The following VAC14 variants were observed in gnomAD, a reference collection of about 807,000 sequenced individuals.
VAC14 encodes protein VAC14 homolog.
A neutral mutation model predicts 85.3 loss-of-function variants in VAC14; 47 were observed. The ratio of observed to expected loss-of-function variants is 0.55; its 90% confidence interval spans 0.44 to 0.70. The LOEUF (loss-of-function observed/expected upper bound fraction) is 0.70, where lower values mean the gene tolerates loss of function less well. Ranked by LOEUF, VAC14 falls within the 30% of genes least tolerant of loss-of-function variation. The pLI, the probability that VAC14 is intolerant of heterozygous loss-of-function variation, is 0.00. For missense variants in VAC14, 861 were observed against 1,004.3 expected, an observed-to-expected ratio of 0.86 and a Z score of 1.93; for synonymous variants, 447 against 430.5, an observed-to-expected ratio of 1.04 and a Z score of -0.47.
chr16:70,794,444 T>A (rs1469979194), intron 1 of VAC14, among the ~76,000 whole-genome samples: 1 of 151,728 alleles, frequency 6.6e-6, no homozygotes, highest in Non-Finnish European at 1.5e-5. Context: ...GGCTTTTTTT[T>A]AAAATAAGAA....
chr16:70,733,975 A>C (rs2054672846), intron 13 of VAC14, among the ~76,000 whole-genome samples: 1 of 152,088 alleles, frequency 6.6e-6, no homozygotes, highest in South Asian at 2.1e-4. Flanking sequence ...GGCGTGTGCC[A>C]CCAGACCTGA....
In VAC14 at chr16:70,784,179, G is replaced by A. The variant is rs1474428643; in HGVS notation, c.528C>T (p.Phe176=). ...AAATCCTCTCTCGCAACAAGGGGAT[G>A]AAGCTCACCAGGTCAAACTTGTTGC... ...TESNKFDLVS[F]IPLLRERIYS... The change falls in exon 5 of 19, where the codon TTC becomes TTT. Residue 176 remains phenylalanine (F), a synonymous_variant. Coordinates refer to ENST00000261776, the MANE Select transcript of VAC14 (RefSeq NM_018052.5). 1.9e-6 allele frequency: 3 copies of A among 1,614,198 alleles called. No individual in the cohort carries two copies. The Admixed American group carries it at 5.0e-5, about 27-fold the overall frequency.
chr16:70,761,027 G>T (rs1176318915), intron 12 of VAC14: 2 of 278,492 alleles, frequency 7.2e-6, no homozygotes, highest in Admixed American at 4.1e-5. Flanking sequence ...GTGCATGGGG[G>T]GGCGGGGGGT....
intron 17 of VAC14, 46 bp from the exon 18 acceptor site, chr16:70,693,017 G>A (rs1173603183): frequency 6.3e-7 from 1 of 1,583,110 alleles, no homozygotes; most frequent in East Asian, 2.3e-5. Flanking sequence ...CACTGCTCTG[G>A]GACACGCCCA....
intron 18 of VAC14, chr16:70,691,721 G>T: frequency 1.0e-6 from 1 of 985,434 alleles, no homozygotes; most frequent in Non-Finnish European, 1.2e-6. Context: ...CTTTCTAGGG[G>T]TTCAGCCTCT....
At chr16:70,750,527 G>C (rs2031296665) in intron 12 of VAC14, among the ~76,000 whole-genome samples, 1 of 152,150 alleles carries the variant, frequency 6.6e-6, no homozygotes, top group Non-Finnish European at 1.5e-5. Flanking sequence ...AAAGGGTCAG[G>C]GTTGGTGGCA....
At chr16:70,743,737 T>G (rs1250469479) in intron 13 of VAC14, among the ~76,000 whole-genome samples, 3 of 152,228 alleles carry the variant, frequency 2.0e-5, no homozygotes, top group African/African-American at 4.8e-5. Context: ...CCTGTGTGGA[T>G]GTCCAGAGGG....
intron 14 of VAC14, chr16:70,714,264 A>G (rs1051691233): frequency 2.0e-5 from 3 of 152,224 alleles, no homozygotes; most frequent in African/African-American, 7.2e-5. Context: ...TCCCCTGAGG[A>G]TCCCCACAGG....
intron 4 of VAC14, 39 bp from the exon 5 acceptor site, chr16:70,784,259 A>T (rs760495674): frequency 6.4e-7 from 1 of 1,566,630 alleles, no homozygotes; most frequent in Non-Finnish European, 8.8e-7. Context: ...AGAGCCCGAG[A>T]CCAGGGCTGC....
At chr16:70,755,175 T>C (rs1359897185) in intron 12 of VAC14, 2 of 318,564 alleles carry the variant, frequency 6.3e-6, no homozygotes, top group Non-Finnish European at 1.3e-5. Flanking sequence ...TCAGCGCTTC[T>C]GGGAGAAGGT....
intron 17 of VAC14, 59 bp downstream of exon 17, chr16:70,695,485 C>A: frequency 6.4e-7 from 1 of 1,567,266 alleles, no homozygotes; most frequent in South Asian, 1.1e-5. Context: ...ACTTCACCCA[C>A]CCCACTCCAG....
At chr16:70,698,565 G>A in intron 15 of VAC14, 72 bp downstream of exon 15, 3 of 1,572,046 alleles carry the variant, frequency 1.9e-6, no homozygotes, top group Non-Finnish European at 2.6e-6. Flanking sequence ...CCAGCCGAGG[G>A]GCGGGCTCAC....
chr16:70,747,656 T>A (rs865895591), intron 12 of VAC14: 3 of 152,150 alleles, frequency 2.0e-5, no homozygotes, highest in Middle Eastern at 6.8e-3. Context: ...GAGATCTGTG[T>A]CTCTTTACAT....
intron 10 of VAC14, chr16:70,771,221 C>G (rs117576593): frequency 1.3e-5 from 2 of 152,204 alleles, no homozygotes; most frequent in Non-Finnish European, 2.9e-5. Context: ...ATGGAGGGAG[C>G]CCCAAGGAAG....
intron 14 of VAC14, among the ~76,000 whole-genome samples, chr16:70,701,455 C>T (rs1378809720): frequency 6.6e-6 from 1 of 152,168 alleles, no homozygotes; most frequent in Non-Finnish European, 1.5e-5. Context: ...TCCTGACCCC[C>T]AGTCCCTCTG....
At chr16:70,723,348 C>T (rs1361531306) in intron 14 of VAC14, among the ~76,000 whole-genome samples, 1 of 152,126 alleles carries the variant, frequency 6.6e-6, no homozygotes, top group Non-Finnish European at 1.5e-5. Flanking sequence ...GAGGCTGAGG[C>T]AGGAGGTCAC....
At chr16:70,775,254 A>G (rs905838696) in intron 9 of VAC14, among the ~76,000 whole-genome samples, 1 of 152,224 alleles carries the variant, frequency 6.6e-6, no homozygotes, top group African/African-American at 2.4e-5. Flanking sequence ...TCCTCATTCT[A>G]AAATTTTCAA....
chr16:70,763,142 T>C, intron 10 of VAC14, 117 bp from the exon 11 acceptor site: 2 of 1,452,452 alleles, frequency 1.4e-6, no homozygotes, highest in Non-Finnish European at 1.9e-6. Flanking sequence ...AACCACCGTC[T>C]AGGGGGATCG....
intron 12 of VAC14, chr16:70,744,887 G>T: frequency 3.2e-6 from 1 of 310,486 alleles, no homozygotes; most frequent in Non-Finnish European, 5.9e-6. Context: ...GGGCTCTGAG[G>T]GTCCCCAGGA....
Sources: allele counts gnomAD v4.1 joint callset (sites outside exome capture counted in the v4.1 genomes callset), GRCh38; gene constraint gnomAD v4.1.1; transcripts MANE v1.5; gene names NCBI Gene and HGNC (gene_info 2026-07-23, HGNC 2026-07-21).